Variants in TAF4B observed in about 807,000 individuals in gnomAD.
The protein encoded by TAF4B is TATA-box binding protein associated factor 4b, also known as transcription initiation factor TFIID subunit 4B.
In TAF4B, 38 loss-of-function variants were observed where a neutral mutation model predicts 86.4. That is an observed-to-expected ratio of 0.44 (90% CI 0.34 to 0.58). TAF4B has a LOEUF of 0.58. TAF4B is among the 20% of genes least tolerant of loss of function. TAF4B has a pLI of 0.02. For synonymous variants in TAF4B, 388 were observed against 391.2 expected, an observed-to-expected ratio of 0.99 and a Z score of 0.10; for missense variants, 988 against 1,027.6, an observed-to-expected ratio of 0.96 and a Z score of 0.53.
chr18:26,264,813 T>C (rs1468090104), intron 1 of TAF4B, among the ~76,000 whole-genome samples: 1 of 152,218 alleles, frequency 6.6e-6, no homozygotes. Flanking sequence ...TGATATGATA[T>C]ATCTGCATGA....
At chr18:26,359,665 C>G (rs1192587437) in intron 14 of TAF4B, among the ~76,000 whole-genome samples, 1 of 152,140 alleles carries the variant, frequency 6.6e-6, no homozygotes, top group Non-Finnish European at 1.5e-5. Flanking sequence ...TGTGCTTATA[C>G]TGTTATATAG....
intron 1 of TAF4B, among the ~76,000 whole-genome samples, chr18:26,262,941 CTT>C (rs902626012): frequency 4.1e-5 from 6 of 146,970 alleles, no homozygotes; most frequent in African/African-American, 7.4e-5. Flanking sequence ...ACACAAAAGA[CTT>C]TTTTTTTTTT....
At chr18:26,370,033 T>A (rs1274072158) in intron 14 of TAF4B, among the ~76,000 whole-genome samples, 1 of 152,224 alleles carries the variant, frequency 6.6e-6, no homozygotes, top group Non-Finnish European at 1.5e-5. Context: ...AGAAATTAAG[T>A]GCCCTTAGAA....
chr18:26,372,975 A>AG (rs397802696), intron 14 of TAF4B, among the ~76,000 whole-genome samples: 1 of 151,372 alleles, frequency 6.6e-6, no homozygotes, highest in East Asian at 1.9e-4. Flanking sequence ...AAAAAAAAAA[A>AG]GTAACAACAC....
chr18:26,389,473 A>G (rs528979361), intron 14 of TAF4B, among the ~76,000 whole-genome samples: 3 of 152,352 alleles, frequency 2.0e-5, no homozygotes, highest in African/African-American at 7.2e-5. Flanking sequence ...CTTTGAAATC[A>G]TCACCACAAT....
chr18:26,293,442 A>C lies in TAF4B; in HGVS notation c.1743A>C (p.Gln581His). ...SQFPPASILK[Q>H]ITLPGNKILS... Reference sequence around the variant, plus strand: ...TTTTTATAGCTTCCATTCTAAAGCAAATTACTCTGCCTGGAAATAAAATTC... The same window carrying C: ...TTTTTATAGCTTCCATTCTAAAGCACATTACTCTGCCTGGAAATAAAATTC... The change falls in exon 9 of 15, where the codon CAA (glutamine) becomes CAC (histidine). Residue 581 changes from glutamine (Q) to histidine (H), a missense_variant. By Grantham distance (24) the Gln-to-His change is conservative. Around this residue, in one of 3 missense-constraint regions of TAF4B, gnomAD observed 747 missense variants for 737.9 expected, o/e 1.01. Transcript: ENST00000269142. The C allele has an allele frequency of 6.3e-7, 1 of 1,595,210 alleles. No individual in the cohort carries two copies. Among genetic ancestry groups the C allele is most frequent in the Non-Finnish European group, 8.5e-7 (1 of 1,175,018 alleles).
intron 12 of TAF4B, among the ~76,000 whole-genome samples, chr18:26,333,932 T>C (rs948235248): frequency 6.6e-6 from 1 of 152,078 alleles, no homozygotes; most frequent in African/African-American, 2.4e-5. Context: ...CCAATAAATA[T>C]TGGGTGACTG....
chr18:26,244,553 G>A (rs1213414428), intron 1 of TAF4B, among the ~76,000 whole-genome samples: 1 of 152,134 alleles, frequency 6.6e-6, no homozygotes, highest in Non-Finnish European at 1.5e-5. Flanking sequence ...CGCAGCTTTG[G>A]CTCACACTCC....
At chr18:26,292,161 C>T (rs1416545619) in intron 7 of TAF4B, 85 bp from the exon 8 acceptor site, 2 of 1,441,284 alleles carry the variant, frequency 1.4e-6, no homozygotes, top group East Asian at 2.5e-5. Flanking sequence ...GCTGGGGGAA[C>T]ACAATCTGTT....
chr18:26,381,581 G>A (rs997556632), intron 14 of TAF4B, among the ~76,000 whole-genome samples: 21 of 151,904 alleles, frequency 1.4e-4, no homozygotes, highest in Non-Finnish European at 2.1e-4. Context: ...ACAAAAGTTA[G>A]CCGGGCTTGG....
chr18:26,372,753 G>A (rs1427114552), intron 14 of TAF4B, among the ~76,000 whole-genome samples: 3 of 151,946 alleles, frequency 2.0e-5, no homozygotes, highest in Non-Finnish European at 2.9e-5. Flanking sequence ...GGTGGATCAC[G>A]AGGTCAGGAG....
chr18:26,231,584 C>T (rs1348292497), intron 1 of TAF4B, among the ~76,000 whole-genome samples: 2 of 151,802 alleles, frequency 1.3e-5, no homozygotes, highest in Non-Finnish European at 2.9e-5. Context: ...AACTCCTGGC[C>T]TCAAGTGATC....
In TAF4B at chr18:26,258,252, CAAA is replaced by C. The variant is rs560676496; in HGVS notation, c.344-6906_344-6904del. On this transcript the variant is annotated intron_variant, in intron 1 of 14. Coordinates refer to ENST00000269142, the MANE Select transcript of TAF4B (RefSeq NM_005640.3). ...CTGGTGACAGAGCGAGACTCCATCTCAAAAAAAAAAAAAAGCTGAGGGAAGAAG... is the reference window on the plus strand; with the variant it reads ...CTGGTGACAGAGCGAGACTCCATCTCAAAAAAAAAAAGCTGAGGGAAGAAG... 7.3e-3 allele frequency among the ~76,000 whole-genome samples: 821 copies of C among 112,778 alleles called. 7 individuals are homozygous for C. The highest frequency in any genetic ancestry group is 0.015 in the Middle Eastern group (3 of 202). The allele number at this position is 112,778 out of a possible 152,430, so 74.0% of individuals were successfully genotyped here. A position where few individuals can be genotyped will look rare whatever the true frequency, so the allele number is the denominator to read the frequency against.
rs532827753 is a variant in TAF4B, at chr18:26,285,895, C to T, written c.986C>T (p.Ala329Val). The T allele has an allele frequency of 6.2e-7, 1 of 1,607,166 alleles. No homozygotes were observed. Among genetic ancestry groups the T allele is most frequent in the East Asian group, 2.2e-5 (1 of 44,744 alleles). Residue 329 changes from alanine (A) to valine (V), a missense_variant, in exon 7 of 15, where the codon GCC (alanine) becomes GTC (valine). Around this residue, in one of 3 missense-constraint regions of TAF4B, gnomAD observed 747 missense variants for 737.9 expected, o/e 1.01. Coordinates refer to ENST00000269142, the MANE Select transcript of TAF4B (RefSeq NM_005640.3). The part of the protein sequence containing the change: ...LVPFLKKSVV[A>V]LRQLLPNSQS... Reference sequence around the variant, plus strand: ...CTGCATTTCCAGAAAAGCGTGGTTGCCTTACGACAACTTCTGCCTAACTCC... The same window carrying T: ...CTGCATTTCCAGAAAAGCGTGGTTGTCTTACGACAACTTCTGCCTAACTCC...
intron 13 of TAF4B, among the ~76,000 whole-genome samples, chr18:26,341,616 C>A (rs72881820): frequency 0.042 from 6,379 of 152,114 alleles, 184 homozygotes; most frequent in Non-Finnish European, 0.059. Context: ...CAGCAAGGCA[C>A]CACAGTTTAC....
rs1049585278 is a variant in TAF4B, at chr18:26,391,684, A to C, written c.*1672A>C. On this transcript the variant is annotated 3_prime_UTR_variant, in exon 15 of 15. Transcript: ENST00000269142. Reference sequence around the variant, plus strand: ...ATTAAAATAATTATTTTATTATAAGAATAACTTTGCTCATTCACTGACTTT... The same window carrying C: ...ATTAAAATAATTATTTTATTATAAGCATAACTTTGCTCATTCACTGACTTT... 1 of 152,196 alleles carries C rather than the reference A, an allele frequency of 6.6e-6. No individual in the cohort carries two copies. Among genetic ancestry groups the C allele is most frequent in the Admixed American group, 6.5e-5 (1 of 15,280 alleles). 9.4% of individuals were successfully genotyped at this position (152,196 alleles called of 1,614,324 possible). A position where few individuals can be genotyped will look rare whatever the true frequency, so the allele number is the denominator to read the frequency against.
chr18:26,235,005 C>T (rs939044431), intron 1 of TAF4B, among the ~76,000 whole-genome samples: 1 of 152,226 alleles, frequency 6.6e-6, no homozygotes, highest in Non-Finnish European at 1.5e-5. Flanking sequence ...TTTACTACTA[C>T]ATCAATTTCC....
chr18:26,309,240 A>G, intron 9 of TAF4B, among the ~76,000 whole-genome samples: 1 of 142,706 alleles, frequency 7.0e-6, no homozygotes, highest in Admixed American at 7.5e-5. Flanking sequence ...AAAAAACCTG[A>G]CAGTATTTTT....
At chr18:26,240,832 A>G (rs556171532) in intron 1 of TAF4B, among the ~76,000 whole-genome samples, 18 of 152,314 alleles carry the variant, frequency 1.2e-4, no homozygotes, top group Admixed American at 3.9e-4. Flanking sequence ...TTCCACATCT[A>G]TTGAGATAAT....
Sources: allele counts gnomAD v4.1 joint callset (sites outside exome capture counted in the v4.1 genomes callset), GRCh38; gene constraint gnomAD v4.1.1; regional missense constraint gnomAD v4.1.1; transcripts MANE v1.5; gene names NCBI Gene and HGNC (gene_info 2026-07-23, HGNC 2026-07-21).